OSBPL10: variants seen among roughly 807,000 people sequenced by gnomAD.
OSBPL10 encodes the protein oxysterol binding protein like 10, also known as oxysterol-binding protein-related protein 10.
In OSBPL10, 49 loss-of-function variants were observed where a neutral mutation model predicts 81.7. The ratio of observed to expected loss-of-function variants is 0.60; its 90% CI spans 0.48 to 0.76. The LOEUF (loss-of-function observed/expected upper bound fraction) is 0.76, where lower values mean the gene tolerates loss of function less well. Ranked by LOEUF, OSBPL10 falls within the 30% of genes least tolerant of loss-of-function variation. The probability of loss-of-function intolerance (pLI) is 0.00; values close to 1 mark genes in which losing one functional copy is unlikely to be tolerated. For synonymous variants in OSBPL10, 419 were observed against 383.6 expected (o/e 1.09, Z -1.08); for missense variants, 923 against 987.8 (o/e 0.93, Z 0.88).
intron 3 of OSBPL10, among the ~76,000 whole-genome samples, chr3:31,857,886 G>GAGAGAGAGAA (rs1160180884): frequency 7.0e-5 from 10 of 142,480 alleles, no homozygotes; most frequent in Non-Finnish European, 1.2e-4. Flanking sequence ...AAGGGGGGGA[G>GAGAGAGAGAA]AGAGAGAGAA....
chr3:31,898,984 CAG>C (rs1183982592), intron 1 of OSBPL10, among the ~76,000 whole-genome samples: 1 of 101,594 alleles, frequency 9.8e-6, no homozygotes, highest in Non-Finnish European at 1.8e-5. Flanking sequence ...TTTTTTGAGA[CAG>C]AGTCTCGGTC....
chr3:31,916,315 C>G (rs889028037), intron 1 of OSBPL10, among the ~76,000 whole-genome samples: 2 of 152,154 alleles, frequency 1.3e-5, no homozygotes, highest in Non-Finnish European at 2.9e-5. Flanking sequence ...TTCCTACTCA[C>G]CTATTTCCCC....
intron 1 of OSBPL10, among the ~76,000 whole-genome samples, chr3:31,956,261 T>G (rs777642231): frequency 2.0e-5 from 3 of 152,172 alleles, no homozygotes; most frequent in Non-Finnish European, 4.4e-5. Flanking sequence ...GAGTCCCACT[T>G]TCCACATTAG....
intron 3 of OSBPL10, among the ~76,000 whole-genome samples, chr3:31,838,996 A>G (rs896684885): frequency 1.3e-5 from 2 of 152,198 alleles, no homozygotes; most frequent in Non-Finnish European, 2.9e-5. Context: ...CCCCTCAAGG[A>G]TGGCCTTTCT....
At chr3:31,946,667 A>C (rs1288008137) in intron 1 of OSBPL10, among the ~76,000 whole-genome samples, 3 of 152,208 alleles carry the variant, frequency 2.0e-5, no homozygotes, top group African/African-American at 7.2e-5. Context: ...TCAAAGGACA[A>C]GGCATCTGCC....
intron 4 of OSBPL10, chr3:31,822,376 T>A (rs1352086728): frequency 6.6e-6 from 1 of 152,208 alleles, no homozygotes; most frequent in Non-Finnish European, 1.5e-5. Context: ...CAGCACCACC[T>A]TTTCCCTCAT....
At chr3:31,852,742 C>T (rs1559492274) in intron 3 of OSBPL10, among the ~76,000 whole-genome samples, 1 of 152,066 alleles carries the variant, frequency 6.6e-6, no homozygotes, top group Non-Finnish European at 1.5e-5. Flanking sequence ...CCATGCCTGG[C>T]TAATTTTTCT....
intron 1 of OSBPL10, among the ~76,000 whole-genome samples, chr3:31,945,841 A>C (rs1225544129): frequency 6.6e-6 from 1 of 152,234 alleles, no homozygotes; most frequent in African/African-American, 2.4e-5. Context: ...CGTATCATGC[A>C]TACAAATAGG....
intron 3 of OSBPL10, among the ~76,000 whole-genome samples, chr3:31,848,953 G>C (rs1179374484): frequency 6.6e-6 from 1 of 152,174 alleles, no homozygotes; most frequent in South Asian, 2.1e-4. Flanking sequence ...GTTCAGAGTT[G>C]GGTGGTCTCA....
At chr3:31,770,569 C>G (rs1251706637) in intron 4 of OSBPL10, among the ~76,000 whole-genome samples, 1 of 152,148 alleles carries the variant, frequency 6.6e-6, no homozygotes, top group African/African-American at 2.4e-5. Context: ...GGTGGATCAT[C>G]TGAGCTCAGG....
chr3:31,826,053 C>T (rs1575569224), intron 4 of OSBPL10, among the ~76,000 whole-genome samples: 1 of 152,108 alleles, frequency 6.6e-6, no homozygotes, highest in Non-Finnish European at 1.5e-5. Flanking sequence ...TGAATCTATG[C>T]CTTTATTAGT....
intron 6 of OSBPL10, chr3:31,703,818 C>G (rs1262142912): frequency 6.6e-6 from 1 of 152,192 alleles, no homozygotes; most frequent in African/African-American, 2.4e-5. Flanking sequence ...GGATATTCCC[C>G]CAGCCAAAAG....
At chr3:31,952,510 G>T (rs1697897240) in intron 1 of OSBPL10, among the ~76,000 whole-genome samples, 2 of 152,182 alleles carry the variant, frequency 1.3e-5, no homozygotes. Context: ...CCAGCAACTT[G>T]GGGCAGGAAC....
chr3:31,674,070 TA>T (rs141767563), intron 8 of OSBPL10, among the ~76,000 whole-genome samples: 1 of 152,234 alleles, frequency 6.6e-6, no homozygotes, highest in African/African-American at 2.4e-5. Context: ...AACTCCTGTA[TA>T]GGTTGGATAT....
At chr3:31,746,350 C>T (rs951939234) in intron 5 of OSBPL10, among the ~76,000 whole-genome samples, 1 of 152,028 alleles carries the variant, frequency 6.6e-6, no homozygotes, top group African/African-American at 2.4e-5. Flanking sequence ...AATGTGGTGG[C>T]CTCAACACCA....
chr3:31,681,181 T>C (rs988263755), intron 8 of OSBPL10, among the ~76,000 whole-genome samples: 21 of 152,188 alleles, frequency 1.4e-4, no homozygotes, highest in African/African-American at 4.8e-4. Context: ...TTGATCCTGA[T>C]TGATCCTTGA....
intron 11 of OSBPL10, chr3:31,662,623 T>A (rs2125493243): frequency 1.0e-6 from 1 of 991,598 alleles, no homozygotes; most frequent in African/African-American, 1.7e-5. Context: ...ATGGTATTAA[T>A]ACCATCTAGT....
intron 1 of OSBPL10, among the ~76,000 whole-genome samples, chr3:31,934,068 CCT>C (rs1697319121): frequency 6.8e-6 from 1 of 146,038 alleles, no homozygotes; most frequent in Admixed American, 6.8e-5. Context: ...ATGAAAACCA[CCT>C]CTGTTTAAAA....
intron 1 of OSBPL10, among the ~76,000 whole-genome samples, chr3:31,970,341 C>T (rs1284657872): frequency 2.0e-5 from 3 of 152,294 alleles, no homozygotes; most frequent in South Asian, 4.1e-4. Flanking sequence ...GGCCTTCATC[C>T]CAGTCACCTC....
Sources: allele counts gnomAD v4.1 joint callset (sites outside exome capture counted in the v4.1 genomes callset), GRCh38; gene constraint gnomAD v4.1.1; transcripts MANE v1.5; gene names NCBI Gene and HGNC (gene_info 2026-07-23, HGNC 2026-07-21).